ACTN2: variants seen among roughly 807,000 people sequenced by gnomAD.
ACTN2 encodes alpha-actinin-2.
A neutral mutation model predicts 113.8 loss-of-function variants in ACTN2; 39 were observed. The ratio of observed to expected loss-of-function variants is 0.34; its 90% CI spans 0.27 to 0.45. The LOEUF is 0.45. Ranked by LOEUF, ACTN2 falls within the 20% of genes least tolerant of loss-of-function variation. The pLI, the probability that ACTN2 is intolerant of heterozygous loss-of-function variation, is 1.00. For synonymous variants in ACTN2, 429 were observed against 444.1 expected (o/e 0.97, Z 0.43); for missense variants, 992 against 1,177.9 (o/e 0.84, Z 2.31).
intron 4 of ACTN2, 26 bp downstream of exon 4, chr1:236,720,217 T>C: frequency 2.0e-6 from 3 of 1,528,566 alleles, no homozygotes; most frequent in African/African-American, 1.4e-5. Context: ...AAAAGTCTAA[T>C]TGTATAATCT....
Position 236,686,813 on chromosome 1 carries a change from C to T in ACTN2, c.126+14C>T, listed in dbSNP as rs373269478. The stretch of plus-strand genomic sequence containing the variant: ...CAGCAGAGGAAGGTCAGCAGGGGCC[C>T]GCGGGCCGCCCGCGCGTGGTGGGGC... On this transcript the variant is annotated intron_variant, in intron 1 of 20. Transcript: ENST00000366578. The T allele has an allele frequency of 1.5e-4, 223 of 1,477,716 alleles. No individual in the cohort carries two copies. The African/African-American group carries it at 2.9e-3, about 19-fold the overall frequency. 91.5% of individuals were successfully genotyped at this position (1,477,716 alleles called of 1,614,324 possible). A position where few individuals can be genotyped will look rare whatever the true frequency, so the allele number is the denominator to read the frequency against.
chr1:236,731,206 A>C (rs1326782969), intron 6 of ACTN2, 27 bp from the exon 7 acceptor site: 1 of 1,571,018 alleles, frequency 6.4e-7, no homozygotes, highest in Non-Finnish European at 8.8e-7. Context: ...ATATTTTAAA[A>C]ATCTGACTGT....
chr1:236,760,244 C>CAA (rs75010158), intron 19 of ACTN2, among the ~76,000 whole-genome samples: 2 of 132,100 alleles, frequency 1.5e-5, no homozygotes, highest in Non-Finnish European at 1.6e-5. Context: ...GAAACTCCAT[C>CAA]AAAAAAAAAA....
In ACTN2 at chr1:236,726,029, C is replaced by T. The variant is rs1572120199; in HGVS notation, c.536+9C>T. The T allele has an allele frequency of 6.2e-7, 1 of 1,611,736 alleles. No homozygotes were observed. ...CAGAACTTCCATACTAGGTGAGCAC[C>T]CAGGGCCCCTGGTCCTTGTATTCTC... On this transcript the variant is annotated intron_variant, in intron 5 of 20. Coordinates refer to ENST00000366578, the MANE Select transcript of ACTN2 (RefSeq NM_001103.4).
chr1:236,736,910 C>T (rs1658894667), intron 8 of ACTN2: 6 of 613,370 alleles, frequency 9.8e-6, no homozygotes, highest in Non-Finnish European at 1.5e-5. Flanking sequence ...ATCAGCCTGC[C>T]GTGTAAGTCT....
intron 3 of ACTN2, among the ~76,000 whole-genome samples, chr1:236,719,575 G>A (rs549049459): frequency 7.8e-4 from 119 of 152,302 alleles, no homozygotes; most frequent in African/African-American, 2.7e-3. Context: ...GATCACCTGA[G>A]GTGAGGAGTT....
intron 1 of ACTN2, among the ~76,000 whole-genome samples, chr1:236,690,960 C>T (rs1216252182): frequency 4.5e-5 from 6 of 132,964 alleles, no homozygotes; most frequent in East Asian, 2.2e-4. Flanking sequence ...TTTTTTGAGA[C>T]GGAGTCTTGC....
chr1:236,733,020 A>G (rs1658756695), intron 7 of ACTN2, among the ~76,000 whole-genome samples: 1 of 152,244 alleles, frequency 6.6e-6, no homozygotes, highest in South Asian at 2.1e-4. Context: ...TGAATGCATT[A>G]TTCGGAATTC....
At chr1:236,743,516 C>G (rs1261608252) in intron 11 of ACTN2, among the ~76,000 whole-genome samples, 3 of 150,920 alleles carry the variant, frequency 2.0e-5, no homozygotes, top group Non-Finnish European at 4.4e-5. Flanking sequence ...CATTCATCTA[C>G]TTTTTTCAGG....
chr1:236,715,363 CA>C (rs1279548845), intron 1 of ACTN2, among the ~76,000 whole-genome samples: 3 of 134,310 alleles, frequency 2.2e-5, no homozygotes, highest in Admixed American at 1.7e-4. Flanking sequence ...ATTACTCATT[CA>C]AAAAATAAAT....
intron 1 of ACTN2, among the ~76,000 whole-genome samples, chr1:236,693,053 T>G (rs1020645442): frequency 6.6e-6 from 1 of 151,896 alleles, no homozygotes; most frequent in Non-Finnish European, 1.5e-5. Context: ...AAGCAGAGAT[T>G]GGGGGAGACG....
At chr1:236,753,788 C>A (rs1032757271) in intron 15 of ACTN2, 159 bp from the exon 16 acceptor site, 3 of 899,912 alleles carry the variant, frequency 3.3e-6, no homozygotes, top group African/African-American at 3.3e-5. Flanking sequence ...CTAGGGACTC[C>A]TCCTCCCTAT....
Position 236,696,436 on chromosome 1 carries a change from T to G in ACTN2, c.126+9637T>G, listed in dbSNP as rs963469669. Reference sequence around the variant, plus strand: ...TGCAAAGACAAATCAAGAAATCCTATCTTCTAAAGTCATGTGGAGTCTTTA... The same window carrying G: ...TGCAAAGACAAATCAAGAAATCCTAGCTTCTAAAGTCATGTGGAGTCTTTA... On this transcript the variant is annotated intron_variant, in intron 1 of 20. Transcript: ENST00000366578. Among the ~76,000 whole-genome samples, 6 of 152,286 alleles carry G rather than the reference T, an allele frequency of 3.9e-5. No individual in the cohort carries two copies. In the East Asian group the frequency reaches 1.2e-3, roughly 29 times the overall value.
At chr1:236,737,297 G>GTATGTATA in intron 9 of ACTN2, 83 bp downstream of exon 9, 10 of 322,234 alleles carry the variant, frequency 3.1e-5, no homozygotes, top group East Asian at 2.3e-4. Context: ...CTCCGTGGGG[G>GTATGTATA]CATATATATA....
chr1:236,734,026 A>G (rs563507544), intron 7 of ACTN2, among the ~76,000 whole-genome samples: 2 of 152,328 alleles, frequency 1.3e-5, no homozygotes, highest in East Asian at 3.9e-4. Context: ...AACTGTGGGT[A>G]CATTTGCTCC....
At chr1:236,737,054 C>T in intron 8 of ACTN2, 68 bp from the exon 9 acceptor site, 3 of 1,358,310 alleles carry the variant, frequency 2.2e-6, no homozygotes, top group Non-Finnish European at 2.1e-6. Flanking sequence ...CATCACCCAC[C>T]TCGTTCCATG....
rs976482856 is a variant in ACTN2 at position 236,694,775 on chromosome 1, G to A, written c.126+7976G>A. On this transcript the variant is annotated intron_variant, in intron 1 of 20. Coordinates refer to ENST00000366578, the MANE Select transcript of ACTN2 (RefSeq NM_001103.4). The stretch of plus-strand genomic sequence containing the variant: ...GACTTGATTTTTATTGTAAGTCTGA[G>A]CTGTCGAGGCCGGGTGTGGTGGCTC... 2.0e-5 allele frequency among the ~76,000 whole-genome samples: 3 copies of A among 152,146 alleles called. No homozygotes were observed. The East Asian group carries it at 5.8e-4, about 29-fold the overall frequency.
At chr1:236,708,550 A>C (rs1247808364) in intron 1 of ACTN2, among the ~76,000 whole-genome samples, 1 of 152,098 alleles carries the variant, frequency 6.6e-6, no homozygotes, top group African/African-American at 2.4e-5. Flanking sequence ...TCTTGATTTT[A>C]ATGTAGATGC....
intron 1 of ACTN2, among the ~76,000 whole-genome samples, chr1:236,710,961 C>G (rs534158402): frequency 6.6e-6 from 1 of 152,040 alleles, no homozygotes; most frequent in Non-Finnish European, 1.5e-5. Context: ...GGTTGGGGAC[C>G]GCTGTTCTAG....
Sources: gnomAD v4.1 joint callset for allele counts (sites outside exome capture counted in the v4.1 genomes callset) on GRCh38, gnomAD v4.1.1 for gene constraint, MANE v1.5 for transcripts, NCBI Gene and HGNC (gene_info 2026-07-23, HGNC 2026-07-21) for gene names.